Variants in ALDH1A2 observed in about 807,000 individuals in gnomAD.
The protein encoded by ALDH1A2 is aldehyde dehydrogenase 1 family member A2.
A neutral mutation model predicts 60.3 loss-of-function variants in ALDH1A2; 27 were observed. The ratio of observed to expected loss-of-function variants is 0.45; its 90% CI spans 0.33 to 0.62. ALDH1A2 has a LOEUF of 0.62. Among genes scored for constraint, ALDH1A2 ranks in the 20% least tolerant of loss-of-function variants. ALDH1A2 has a pLI of 0.02. For missense variants in ALDH1A2, 581 were observed against 643.8 expected (o/e 0.90, Z 1.06); for synonymous variants, 289 against 232.4 (o/e 1.24, Z -2.21).
At chr15:57,990,538 T>C (rs542086352) in intron 7 of ALDH1A2, 1 of 152,332 alleles carries the variant, frequency 6.6e-6, no homozygotes, top group South Asian at 2.1e-4. Context: ...GACAAGGTGT[T>C]ATCTCTTGTT....
intron 4 of ALDH1A2, among the ~76,000 whole-genome samples, chr15:58,010,032 T>G (rs1032170908): frequency 6.6e-6 from 1 of 152,150 alleles, no homozygotes; most frequent in African/African-American, 2.4e-5. Context: ...ATAACACTCC[T>G]ATAGGGGCCT....
chr15:58,015,555 T>G (rs1895767046), intron 1 of ALDH1A2, among the ~76,000 whole-genome samples: 1 of 152,190 alleles, frequency 6.6e-6, no homozygotes, highest in Non-Finnish European at 1.5e-5. Context: ...TGTAACAAAA[T>G]TTACCCAATA....
chr15:57,998,425 A>C (rs2414528), intron 4 of ALDH1A2, among the ~76,000 whole-genome samples: 4,038 of 152,214 alleles, frequency 0.027, 93 homozygotes, highest in Non-Finnish European at 0.041. Context: ...GCAGAGAGCT[A>C]AATCATGAAT....
At chr15:57,970,727 A>C (rs1230115386) in intron 7 of ALDH1A2, among the ~76,000 whole-genome samples, 2 of 152,122 alleles carry the variant, frequency 1.3e-5, no homozygotes, top group Non-Finnish European at 2.9e-5. Context: ...GCGATATAAC[A>C]CCTTTTTAAA....
At chr15:58,054,340 A>T (rs1408561533) in intron 1 of ALDH1A2, among the ~76,000 whole-genome samples, 1 of 152,188 alleles carries the variant, frequency 6.6e-6, no homozygotes, top group Admixed American at 6.5e-5. Context: ...GATCTGGCTT[A>T]AAGGACACAA....
chr15:57,970,789 G>T (rs1473626522), intron 7 of ALDH1A2, among the ~76,000 whole-genome samples: 3 of 152,120 alleles, frequency 2.0e-5, no homozygotes, highest in African/African-American at 4.8e-5. Flanking sequence ...AGATGCCTGT[G>T]TCTTGTAATA....
chr15:58,047,644 C>CT lies in ALDH1A2; in HGVS notation c.117+17889dup, dbSNP rs757515117. 3.5e-3 allele frequency among the ~76,000 whole-genome samples: 539 copies of CT among 151,976 alleles called. 5 individuals are homozygous for CT. The highest frequency in any genetic ancestry group is 0.012 in the East Asian group (64 of 5,150). ...TAACTTTGAAAAAAATTAGCCCCAA[C>CT]TTTTTTTACTTCTAATTAAGAGTCT... On this transcript the variant is annotated intron_variant, in intron 1 of 12. Transcript: ENST00000249750.
At position 57,954,260 on chromosome 15, in the gene ALDH1A2, TTAA is replaced by T. The variant is rs1893442205; in HGVS notation, c.*934_*936del. 6.6e-6 allele frequency: 1 copy of T among 152,410 alleles called. No individual in the cohort carries two copies. Among genetic ancestry groups the T allele is most frequent in the Non-Finnish European group, 1.5e-5 (1 of 68,038 alleles). 9.4% of individuals were successfully genotyped at this position (152,410 alleles called of 1,614,324 possible). A position where few individuals can be genotyped will look rare whatever the true frequency, so the allele number is the denominator to read the frequency against. On this transcript the variant is annotated 3_prime_UTR_variant, in exon 13 of 13. Coordinates refer to ENST00000249750, the MANE Select transcript of ALDH1A2 (RefSeq NM_003888.4). ...GATTCCAACTACAGAAATAATTCAT[TTAA>T]TAATAATTGTTGCCCAATATTAGAA...
chr15:58,017,206 T>C (rs889121689), intron 1 of ALDH1A2, among the ~76,000 whole-genome samples: 2 of 152,216 alleles, frequency 1.3e-5, no homozygotes, highest in Non-Finnish European at 2.9e-5. Flanking sequence ...ACTTCATCAT[T>C]TAGTATTTTG....
At chr15:57,977,729 C>T (rs1894312499) in intron 7 of ALDH1A2, among the ~76,000 whole-genome samples, 1 of 152,072 alleles carries the variant, frequency 6.6e-6, no homozygotes. Flanking sequence ...AATTTAAAGT[C>T]GTTTTTTCTA....
intron 3 of ALDH1A2, among the ~76,000 whole-genome samples, chr15:58,013,022 G>C (rs1320094039): frequency 2.0e-5 from 3 of 152,148 alleles, no homozygotes; most frequent in African/African-American, 7.2e-5. Context: ...TTTAAAAACA[G>C]CAACAACAAC....
chr15:57,958,869 T>C (rs577679807), intron 12 of ALDH1A2, among the ~76,000 whole-genome samples: 1 of 152,270 alleles, frequency 6.6e-6, no homozygotes, highest in Admixed American at 6.5e-5. Flanking sequence ...GTGGGTCTCA[T>C]CAAAGAACAG....
At chr15:58,040,467 T>C (rs1368448798) in intron 1 of ALDH1A2, among the ~76,000 whole-genome samples, 2 of 151,948 alleles carry the variant, frequency 1.3e-5, no homozygotes, top group Admixed American at 1.3e-4. Context: ...AGGGGCCCAC[T>C]ATGTACTGTG....
intron 1 of ALDH1A2, among the ~76,000 whole-genome samples, chr15:58,037,024 G>C (rs568074571): frequency 1.6e-4 from 24 of 151,748 alleles, no homozygotes; most frequent in African/African-American, 5.8e-4. Context: ...TTTAAGAAGT[G>C]TAACAAAGAA....
At chr15:57,990,587 A>T (rs368996973) in intron 7 of ALDH1A2, 9 of 152,316 alleles carry the variant, frequency 5.9e-5, no homozygotes, top group African/African-American at 2.2e-4. Flanking sequence ...AAAAAGTTAC[A>T]CAATAGGCCG....
intron 7 of ALDH1A2, among the ~76,000 whole-genome samples, chr15:57,976,356 C>T (rs1287692142): frequency 6.6e-6 from 1 of 152,068 alleles, no homozygotes; most frequent in Non-Finnish European, 1.5e-5. Flanking sequence ...TTACATGTGC[C>T]ATGGTGGTTT....
chr15:57,992,759 T>C lies in ALDH1A2; in HGVS notation c.744A>G (p.Ala248=), dbSNP rs1033013520. ...CTATGCCAATGTGAGAAGCTATTGCTGCCCCAGCCGTTGGCCCATATCCTG... is the reference window on the plus strand; with the variant it reads ...CTATGCCAATGTGAGAAGCTATTGCCGCCCCAGCCGTTGGCCCATATCCTG... The part of the protein sequence containing the change: ...ILPGYGPTAG[A]AIASHIGIDK... The change falls in exon 7 of 13, where the codon GCA becomes GCG. Residue 248 remains alanine, a synonymous_variant. Coordinates refer to ENST00000249750, the MANE Select transcript of ALDH1A2 (RefSeq NM_003888.4). 3.1e-6 allele frequency: 5 copies of C among 1,614,040 alleles called. No individual in the cohort carries two copies. Among genetic ancestry groups the C allele is most frequent in the Non-Finnish European group, 3.4e-6 (4 of 1,180,014 alleles).
In ALDH1A2 at chr15:57,980,561, T is replaced by TG. The variant is rs1894460666; in HGVS notation, c.798+12143dup. On this transcript the variant is annotated intron_variant, in intron 7 of 12. Transcript: ENST00000249750. Reference sequence around the variant, plus strand: ...CCAGCTGTGAAGCTCTGCCTCCTTCTGGGGGTCATATTTGGGCAGGAGCCA... The same window carrying TG: ...CCAGCTGTGAAGCTCTGCCTCCTTCTGGGGGGTCATATTTGGGCAGGAGCCA... The TG allele has an allele frequency of 1.5e-5, 4 of 272,692 alleles. No homozygotes were observed. In the Admixed American group the frequency reaches 1.5e-4, roughly 10 times the overall value. 16.9% of individuals were successfully genotyped at this position (272,692 alleles called of 1,614,324 possible). A position where few individuals can be genotyped will look rare whatever the true frequency, so the allele number is the denominator to read the frequency against.
At chr15:58,013,019 A>G (rs1164055856) in intron 3 of ALDH1A2, among the ~76,000 whole-genome samples, 1 of 152,216 alleles carries the variant, frequency 6.6e-6, no homozygotes, top group Non-Finnish European at 1.5e-5. Context: ...TATTTTAAAA[A>G]CAGCAACAAC....
Sources: gnomAD v4.1 joint callset for allele counts (sites outside exome capture counted in the v4.1 genomes callset) on GRCh38, gnomAD v4.1.1 for gene constraint, MANE v1.5 for transcripts, NCBI Gene and HGNC (gene_info 2026-07-23, HGNC 2026-07-21) for gene names.